The following CAMK2D variants were observed in gnomAD, a reference collection of about 807,000 sequenced individuals.
The protein encoded by CAMK2D is calcium/calmodulin-dependent protein kinase type II subunit delta.
A neutral mutation model predicts 84.0 loss-of-function variants in CAMK2D; 37 were observed. The observed-to-expected ratio is 0.44, with a 90% confidence interval of 0.34 to 0.58. CAMK2D has a LOEUF of 0.58. CAMK2D is among the 20% of genes least tolerant of loss of function. CAMK2D has a pLI of 0.02. For synonymous variants in CAMK2D, 202 were observed against 212.5 expected (o/e 0.95, Z 0.43); for missense variants, 448 against 652.5 (o/e 0.69, Z 3.41).
At chr4:113,558,006 T>C (rs563617487) in intron 4 of CAMK2D, among the ~76,000 whole-genome samples, 83 of 152,298 alleles carry the variant, frequency 5.4e-4, no homozygotes, top group Non-Finnish European at 1.1e-3. Context: ...TGTACAGTTC[T>C]TGGAGTTGAA....
At chr4:113,597,678 A>G (rs938535777) in intron 4 of CAMK2D, among the ~76,000 whole-genome samples, 2 of 152,252 alleles carry the variant, frequency 1.3e-5, no homozygotes, top group Non-Finnish European at 2.9e-5. Flanking sequence ...ATTTCCTTCA[A>G]GAACTTTTCC....
At chr4:113,579,417 T>C (rs2098798230) in intron 4 of CAMK2D, among the ~76,000 whole-genome samples, 1 of 152,214 alleles carries the variant, frequency 6.6e-6, no homozygotes, top group African/African-American at 2.4e-5. Flanking sequence ...CTGCTGTAGA[T>C]GGGGCATAGT....
chr4:113,516,708 T>C (rs2154169349), intron 9 of CAMK2D, among the ~76,000 whole-genome samples: 1 of 152,292 alleles, frequency 6.6e-6, no homozygotes, highest in South Asian at 2.1e-4. Flanking sequence ...TCTTCTCCTC[T>C]CACTTTCACA....
intron 3 of CAMK2D, among the ~76,000 whole-genome samples, chr4:113,659,844 C>A (rs531394380): frequency 4.6e-5 from 7 of 152,262 alleles, no homozygotes; most frequent in African/African-American, 1.7e-4. Context: ...CTCCTCAAAC[C>A]AGAAGGTTCC....
intron 2 of CAMK2D, among the ~76,000 whole-genome samples, chr4:113,721,813 A>C (rs2099531340): frequency 6.6e-6 from 1 of 152,198 alleles, no homozygotes; most frequent in African/African-American, 2.4e-5. Context: ...TTCTGGCCCT[A>C]AGACGATATA....
At chr4:113,648,690 A>T (rs535706640) in intron 3 of CAMK2D, among the ~76,000 whole-genome samples, 210 of 152,316 alleles carry the variant, frequency 1.4e-3, no homozygotes, top group Non-Finnish European at 2.3e-3. Flanking sequence ...TTCAGCAGAT[A>T]CTTTGAGCAC....
chr4:113,538,350 G>A (rs949523153), intron 6 of CAMK2D, among the ~76,000 whole-genome samples: 9 of 152,022 alleles, frequency 5.9e-5, no homozygotes, highest in South Asian at 2.1e-4. Flanking sequence ...TCCATGAATC[G>A]CCTTTGTGGA....
intron 16 of CAMK2D, among the ~76,000 whole-genome samples, chr4:113,467,440 T>C (rs1460825064): frequency 6.6e-5 from 10 of 152,214 alleles, no homozygotes; most frequent in Non-Finnish European, 1.5e-4. Context: ...TATATGAGAC[T>C]ATATCATAAC....
rs940262006 is a variant in CAMK2D, at chr4:113,743,361, C to A, written c.160+15959G>T. 2.0e-5 allele frequency among the ~76,000 whole-genome samples: 3 copies of A among 152,208 alleles called. No homozygotes were observed. In the East Asian group the frequency reaches 5.8e-4, roughly 29 times the overall value. On this transcript the variant is annotated intron_variant, in intron 2 of 20. Coordinates refer to ENST00000511664, the MANE Select transcript of CAMK2D (RefSeq NM_001321571.2). The stretch of plus-strand genomic sequence containing the variant: ...TTCTCTGCAGTCTCACTTTGCTGAG[C>A]CACAGGTTCTGGGAGCCATTTTTGG...
intron 3 of CAMK2D, among the ~76,000 whole-genome samples, chr4:113,642,140 C>T (rs1229642257): frequency 6.6e-6 from 1 of 152,172 alleles, no homozygotes; most frequent in East Asian, 1.9e-4. Flanking sequence ...AAGAATCTGC[C>T]ATTTTATCAA....
At chr4:113,708,318 TC>T (rs1279489850) in intron 2 of CAMK2D, among the ~76,000 whole-genome samples, 2 of 152,206 alleles carry the variant, frequency 1.3e-5, no homozygotes, top group Non-Finnish European at 2.9e-5. Flanking sequence ...TGTTTAGTAT[TC>T]ATCAAACAAA....
At chr4:113,718,090 C>T (rs1314906355) in intron 2 of CAMK2D, among the ~76,000 whole-genome samples, 1 of 152,114 alleles carries the variant, frequency 6.6e-6, no homozygotes, top group Non-Finnish European at 1.5e-5. Flanking sequence ...TCTTTACCTG[C>T]TGCCTAGACA....
intron 16 of CAMK2D, among the ~76,000 whole-genome samples, chr4:113,478,846 A>G (rs2097663231): frequency 6.6e-6 from 1 of 152,190 alleles, no homozygotes; most frequent in East Asian, 1.9e-4. Flanking sequence ...CAAATTGTAC[A>G]ATTGTAAAAA....
rs1044637488 is a variant in CAMK2D at position 113,736,918 on chromosome 4, T to C, written c.160+22402A>G. On this transcript the variant is annotated intron_variant, in intron 2 of 20. Coordinates refer to ENST00000511664, the MANE Select transcript of CAMK2D (RefSeq NM_001321571.2). The stretch of plus-strand genomic sequence containing the variant: ...TGGCAATGTCCAGTTCATCAGAATA[T>C]CCAATATGCGCATTATGAAGAATTC... 2.0e-5 allele frequency among the ~76,000 whole-genome samples: 3 copies of C among 152,162 alleles called. No individual in the cohort carries two copies. In the South Asian group the frequency reaches 6.2e-4, roughly 32 times the overall value.
intron 6 of CAMK2D, among the ~76,000 whole-genome samples, chr4:113,540,648 T>A (rs181240750): frequency 1.3e-5 from 2 of 152,332 alleles, no homozygotes; most frequent in East Asian, 3.9e-4. Context: ...CAACAGTTTC[T>A]ATGAAACAAT....
intron 4 of CAMK2D, among the ~76,000 whole-genome samples, chr4:113,589,710 T>C (rs1402835596): frequency 6.6e-6 from 1 of 152,088 alleles, no homozygotes; most frequent in East Asian, 1.9e-4. Flanking sequence ...GTAGAGATAG[T>C]GAGTAGGCAA....
intron 3 of CAMK2D, among the ~76,000 whole-genome samples, chr4:113,621,430 C>T (rs962206670): frequency 6.6e-6 from 1 of 152,124 alleles, no homozygotes; most frequent in African/African-American, 2.4e-5. Context: ...CTTAAGCAAA[C>T]TATTTTGTCA....
chr4:113,631,240 T>C (rs988036757), intron 3 of CAMK2D, among the ~76,000 whole-genome samples: 1 of 152,162 alleles, frequency 6.6e-6, no homozygotes, highest in African/African-American at 2.4e-5. Flanking sequence ...AGACTGAATA[T>C]GGTGGCTCAT....
chr4:113,469,942 C>T (rs930299179), intron 16 of CAMK2D, among the ~76,000 whole-genome samples: 3 of 152,302 alleles, frequency 2.0e-5, no homozygotes. Flanking sequence ...TGTAACAGCC[C>T]TCTGATTTAG....
Sources: gnomAD v4.1 joint callset for allele counts (sites outside exome capture counted in the v4.1 genomes callset) on GRCh38, gnomAD v4.1.1 for gene constraint, MANE v1.5 for transcripts, NCBI Gene and HGNC (gene_info 2026-07-23, HGNC 2026-07-21) for gene names.